Variants in PAWR observed in about 807,000 individuals in gnomAD.
PAWR encodes pro-apoptotic WT1 regulator.
A neutral mutation model predicts 32.0 loss-of-function variants in PAWR; 23 were observed. The ratio of observed to expected loss-of-function variants is 0.72; its 90% CI spans 0.52 to 1.02. PAWR has a LOEUF of 1.02. Among genes scored for constraint, PAWR ranks in the 50% least tolerant of loss-of-function variants. The pLI is 0.00. For synonymous variants in PAWR, 226 were observed against 187.1 expected (o/e 1.21, Z -1.70); for missense variants, 457 against 437.7 (o/e 1.04, Z -0.39).
intron 3 of PAWR, among the ~76,000 whole-genome samples, chr12:79,620,210 A>T (rs1430932416): frequency 6.6e-6 from 1 of 152,228 alleles, no homozygotes; most frequent in Non-Finnish European, 1.5e-5. Flanking sequence ...TCTAATATAT[A>T]ACTGATAAAA....
At chr12:79,626,132 C>T (rs1342239370) in intron 2 of PAWR, among the ~76,000 whole-genome samples, 3 of 132,116 alleles carry the variant, frequency 2.3e-5, no homozygotes, top group Non-Finnish European at 4.7e-5. Flanking sequence ...CCACTGCACT[C>T]CAGCCTGGGC....
intron 2 of PAWR, among the ~76,000 whole-genome samples, chr12:79,622,415 G>A (rs8176864): frequency 1.3e-3 from 200 of 152,138 alleles, no homozygotes; most frequent in African/African-American, 4.7e-3. Context: ...CCGTTAACTC[G>A]TCATTTACAT....
chr12:79,600,134 A>G (rs2136678538), intron 4 of PAWR, among the ~76,000 whole-genome samples: 2 of 152,350 alleles, frequency 1.3e-5, no homozygotes, highest in East Asian at 3.9e-4. Context: ...CATAGGACAC[A>G]TAATACTTTC....
intron 3 of PAWR, among the ~76,000 whole-genome samples, chr12:79,614,302 G>A (rs544462195): frequency 9.3e-5 from 14 of 150,670 alleles, no homozygotes; most frequent in East Asian, 2.0e-4. Flanking sequence ...GAGCCACTGC[G>A]CCCGGCCTTA....
intron 2 of PAWR, among the ~76,000 whole-genome samples, chr12:79,633,472 C>T (rs1045366088): frequency 1.3e-5 from 2 of 152,122 alleles, no homozygotes; most frequent in African/African-American, 4.8e-5. Context: ...ACTGACGATA[C>T]CAATTGTTGG....
chr12:79,656,136 G>C (rs985316178), intron 2 of PAWR, among the ~76,000 whole-genome samples: 1 of 152,148 alleles, frequency 6.6e-6, no homozygotes, highest in Non-Finnish European at 1.5e-5. Flanking sequence ...GAGACAGAAC[G>C]GGCAGAGGGA....
intron 2 of PAWR, among the ~76,000 whole-genome samples, chr12:79,682,308 C>CA (rs1878484969): frequency 1.3e-5 from 2 of 152,014 alleles, no homozygotes; most frequent in Admixed American, 1.3e-4. Context: ...TGAGCTATGG[C>CA]ACCTGGCCCC....
At chr12:79,663,409 T>G (rs577241077) in intron 2 of PAWR, among the ~76,000 whole-genome samples, 2 of 152,338 alleles carry the variant, frequency 1.3e-5, no homozygotes, top group South Asian at 4.1e-4. Context: ...CCTGGGAAGA[T>G]TTTTTAAATG....
At chr12:79,643,592 CA>C (rs1876435611) in intron 2 of PAWR, among the ~76,000 whole-genome samples, 1 of 152,088 alleles carries the variant, frequency 6.6e-6, no homozygotes, top group South Asian at 2.1e-4. Flanking sequence ...GAAATTTTTA[CA>C]GAAGTTCCTC....
intron 2 of PAWR, among the ~76,000 whole-genome samples, chr12:79,650,543 T>C (rs1876791634): frequency 6.6e-6 from 1 of 151,698 alleles, no homozygotes; most frequent in Non-Finnish European, 1.5e-5. Flanking sequence ...AAACCAGGAG[T>C]TGGCAAATGT....
At chr12:79,619,543 C>T (rs550757867) in intron 3 of PAWR, among the ~76,000 whole-genome samples, 192 of 152,214 alleles carry the variant, frequency 1.3e-3, no homozygotes, top group African/African-American at 4.3e-3. Flanking sequence ...GTATATATAG[C>T]GTTCAGTACT....
In PAWR at chr12:79,626,118, C is replaced by G. The variant is rs1306791726; in HGVS notation, c.517-4911G>C. Among the ~76,000 whole-genome samples the G allele has an allele frequency of 3.9e-5, 5 of 127,364 alleles. No individual in the cohort carries two copies. In the Admixed American group the frequency reaches 4.4e-4, roughly 11 times the overall value. The allele number at this position is 127,364 out of a possible 152,430, so 83.6% of individuals were successfully genotyped here. On this transcript the variant is annotated intron_variant, in intron 2 of 6. Coordinates refer to ENST00000328827, the MANE Select transcript of PAWR (RefSeq NM_002583.4). ...GGCGGAGCTTGCAGTGAGCCAAGATCGTGCCACTGCACTCCAGCCTGGGCT... is the reference window on the plus strand; with the variant it reads ...GGCGGAGCTTGCAGTGAGCCAAGATGGTGCCACTGCACTCCAGCCTGGGCT...
chr12:79,684,431 C>A (rs1029164615), intron 2 of PAWR, among the ~76,000 whole-genome samples: 15 of 151,824 alleles, frequency 9.9e-5, no homozygotes, highest in African/African-American at 3.6e-4. Flanking sequence ...GCCAACATGG[C>A]GAAACACCAT....
At chr12:79,645,069 A>AC (rs1220453183) in intron 2 of PAWR, among the ~76,000 whole-genome samples, 6 of 124,780 alleles carry the variant, frequency 4.8e-5, no homozygotes, top group Non-Finnish European at 9.0e-5. Context: ...CACACACACA[A>AC]AAATCAATGT....
At chr12:79,595,263 T>TC (rs1165928603) in intron 5 of PAWR, among the ~76,000 whole-genome samples, 1 of 152,210 alleles carries the variant, frequency 6.6e-6, no homozygotes, top group Non-Finnish European at 1.5e-5. Flanking sequence ...ATTTTTTTTT[T>TC]CTTTAAACAA....
intron 2 of PAWR, among the ~76,000 whole-genome samples, chr12:79,639,857 TATTCCTATTCCTATTCCTATTCCTATTCC>T (rs1876207022): frequency 8.3e-6 from 1 of 120,368 alleles, no homozygotes; most frequent in South Asian, 2.7e-4. Context: ...TTCCTATTCC[TATTCCTATTCCTATTCCTATTCCTATTCC>T]ATTCCATTCC....
intron 4 of PAWR, among the ~76,000 whole-genome samples, chr12:79,608,785 C>G (rs937265939): frequency 5.9e-5 from 9 of 152,192 alleles, no homozygotes; most frequent in Non-Finnish European, 1.3e-4. Flanking sequence ...TGGCTCATGA[C>G]TGTAATCCCA....
chr12:79,642,499 G>A (rs761347246), intron 2 of PAWR, among the ~76,000 whole-genome samples: 9 of 152,162 alleles, frequency 5.9e-5, no homozygotes, highest in African/African-American at 2.2e-4. Context: ...CTGCTGGCAG[G>A]TTTGATCTTT....
At chr12:79,615,470 G>T (rs148628905) in intron 3 of PAWR, among the ~76,000 whole-genome samples, 498 of 152,266 alleles carry the variant, frequency 3.3e-3, no homozygotes, top group African/African-American at 0.011. Flanking sequence ...CCATAAACAC[G>T]CTTAGTTCTG....
Sources: allele counts gnomAD v4.1 joint callset (sites outside exome capture counted in the v4.1 genomes callset), GRCh38; gene constraint gnomAD v4.1.1; transcripts MANE v1.5; gene names NCBI Gene and HGNC (gene_info 2026-07-23, HGNC 2026-07-21).